The following DCC variants were observed in gnomAD, a reference collection of about 807,000 sequenced individuals.
DCC encodes the protein DCC netrin 1 receptor.
In DCC, 58 loss-of-function variants were observed where a neutral mutation model predicts 172.5. That is an observed-to-expected ratio of 0.34 (90% CI 0.27 to 0.42). DCC has a LOEUF of 0.42. DCC is among the 10% of genes least tolerant of loss of function. DCC has a pLI of 1.00. For synonymous variants in DCC, 709 were observed against 644.5 expected, an observed-to-expected ratio of 1.10 and a Z score of -1.52; for missense variants, 1,740 against 1,791.0, an observed-to-expected ratio of 0.97 and a Z score of 0.51.
chr18:52,647,326 G>A (rs2035038515), intron 1 of DCC, among the ~76,000 whole-genome samples: 1 of 152,114 alleles, frequency 6.6e-6, no homozygotes, highest in African/African-American at 2.4e-5. Context: ...CTGTGTATTG[G>A]GTTTTCCTTC....
At chr18:52,813,369 T>G (rs1235879981) in intron 2 of DCC, among the ~76,000 whole-genome samples, 1 of 152,026 alleles carries the variant, frequency 6.6e-6, no homozygotes, top group African/African-American at 2.4e-5. Context: ...AAGATGGTAG[T>G]TTTTAGGGAG....
At chr18:53,232,181 G>A (rs2056131975) in intron 12 of DCC, among the ~76,000 whole-genome samples, 1 of 151,980 alleles carries the variant, frequency 6.6e-6, no homozygotes, top group Admixed American at 6.6e-5. Context: ...TCTGTCAAGG[G>A]CCCCCCTCCC....
chr18:53,247,189 A>G (rs1005791478), intron 12 of DCC, among the ~76,000 whole-genome samples: 2 of 152,022 alleles, frequency 1.3e-5, no homozygotes, highest in Non-Finnish European at 2.9e-5. Flanking sequence ...GTCATATGTT[A>G]TTTTTAAGAA....
intron 22 of DCC, among the ~76,000 whole-genome samples, chr18:53,448,056 T>G (rs1229564377): frequency 7.0e-6 from 1 of 142,488 alleles, no homozygotes; most frequent in Non-Finnish European, 1.5e-5. Context: ...AGTTTTTTTT[T>G]TTTTTTTTTT....
At chr18:52,525,004 T>C (rs1145265) in intron 1 of DCC, among the ~76,000 whole-genome samples, 36,483 of 152,110 alleles carry the variant, frequency 0.24, 4,505 homozygotes, top group African/African-American at 0.29. Context: ...TTCTCTGAGA[T>C]TTTGCTTCTT....
rs139049733 is a variant in DCC at position 52,864,835 on chromosome 18, T to C, written c.413-41209T>C. Among the ~76,000 whole-genome samples the C allele has an allele frequency of 2.4e-3, 362 of 152,158 alleles. 2 individuals carry two copies. The highest frequency in any genetic ancestry group is 0.011 in the Admixed American group (168 of 15,256). ...GAATGATGGTTTCCAGCTTCATCCA[T>C]GTCCCTGCAAAGGATATGAACTCAT... is the stretch of plus-strand genomic sequence containing the variant. On this transcript the variant is annotated intron_variant, in intron 2 of 28. Coordinates refer to ENST00000442544, the MANE Select transcript of DCC (RefSeq NM_005215.4).
chr18:52,473,279 G>A (rs377103312), intron 1 of DCC, among the ~76,000 whole-genome samples: 1 of 152,112 alleles, frequency 6.6e-6, no homozygotes, highest in East Asian at 1.9e-4. Context: ...AGGAAAAGCA[G>A]GACAAAGTGG....
intron 1 of DCC, among the ~76,000 whole-genome samples, chr18:52,661,134 G>T (rs991547751): frequency 2.0e-5 from 3 of 152,180 alleles, no homozygotes; most frequent in Non-Finnish European, 2.9e-5. Flanking sequence ...TAATACCCTG[G>T]TGGGGAACAA....
chr18:52,969,017 C>CA lies in DCC; in HGVS notation c.985+43656dup, dbSNP rs200165168. ...AAGTTGCATTAAAAAACAACAACAA[C>CA]AAAAAAAAACGGTTCTCCTGGTCTC... On this transcript the variant is annotated intron_variant, in intron 5 of 28. Transcript: ENST00000442544. Among the ~76,000 whole-genome samples, 225 of 150,424 alleles carry CA rather than the reference C, an allele frequency of 1.5e-3. 1 individual carries two copies. Among genetic ancestry groups the CA allele is most frequent in the East Asian group, 4.7e-3 (24 of 5,100 alleles).
rs9960953 is a variant in DCC at position 52,599,398 on chromosome 18, C to T, written c.92-152656C>T. 1.0e-2 allele frequency among the ~76,000 whole-genome samples: 1,518 copies of T among 152,118 alleles called. 22 individuals carry two copies. The highest frequency in any genetic ancestry group is 0.034 in the African/African-American group (1,391 of 41,484). On this transcript the variant is annotated intron_variant, in intron 1 of 28. Coordinates refer to ENST00000442544, the MANE Select transcript of DCC (RefSeq NM_005215.4). ...TAACTATTCAACTCTGCCACTGTGG[C>T]GTGAAAGCAGTCATAGACAATACAA... is the stretch of plus-strand genomic sequence containing the variant.
At chr18:52,742,496 C>T (rs973943224) in intron 1 of DCC, among the ~76,000 whole-genome samples, 1 of 152,054 alleles carries the variant, frequency 6.6e-6, no homozygotes, top group Middle Eastern at 3.2e-3. Flanking sequence ...TTGAATAATG[C>T]CTGATGCAGT....
In DCC at chr18:52,464,089, T is replaced by C. The variant is rs1988711002; in HGVS notation, c.91+123211T>C. 2.0e-5 allele frequency among the ~76,000 whole-genome samples: 3 copies of C among 152,218 alleles called. No homozygotes were observed. The South Asian group carries it at 6.2e-4, about 32-fold the overall frequency. On this transcript the variant is annotated intron_variant, in intron 1 of 28. Coordinates refer to ENST00000442544, the MANE Select transcript of DCC (RefSeq NM_005215.4). ...TTTTATGTATATGTGTTTGGTTTGC[T>C]TCACCATACTATATTATCAGTCTAT...
At chr18:52,476,307 C>A (rs1989092190) in intron 1 of DCC, among the ~76,000 whole-genome samples, 1 of 152,160 alleles carries the variant, frequency 6.6e-6, no homozygotes, top group Non-Finnish European at 1.5e-5. Context: ...AATCACCTGG[C>A]TGTCGGCATA....
intron 1 of DCC, among the ~76,000 whole-genome samples, chr18:52,544,638 A>G (rs1280803268): frequency 6.6e-6 from 1 of 152,188 alleles, no homozygotes; most frequent in Non-Finnish European, 1.5e-5. Flanking sequence ...GCTTTAGAAC[A>G]GTGAGCAGAA....
intron 9 of DCC, among the ~76,000 whole-genome samples, chr18:53,203,872 A>C (rs75270593): frequency 6.6e-6 from 1 of 152,180 alleles, no homozygotes; most frequent in Non-Finnish European, 1.5e-5. Flanking sequence ...TGGCCATTGC[A>C]TTTACCATTT....
At chr18:52,536,948 G>A (rs528808817) in intron 1 of DCC, among the ~76,000 whole-genome samples, 4 of 152,104 alleles carry the variant, frequency 2.6e-5, no homozygotes, top group East Asian at 1.9e-4. Flanking sequence ...CTTCATGGAA[G>A]GTTTAGACTC....
intron 1 of DCC, among the ~76,000 whole-genome samples, chr18:52,634,276 C>T (rs562205497): frequency 9.2e-5 from 14 of 152,144 alleles, no homozygotes; most frequent in Non-Finnish European, 1.8e-4. Flanking sequence ...CTACTGTTTG[C>T]CAAACATTAT....
At chr18:53,446,325 C>T (rs951258497) in intron 22 of DCC, among the ~76,000 whole-genome samples, 8 of 152,026 alleles carry the variant, frequency 5.3e-5, no homozygotes, top group Non-Finnish European at 8.8e-5. Context: ...ATCATAATGT[C>T]TAACGAGTGC....
intron 2 of DCC, among the ~76,000 whole-genome samples, chr18:52,801,329 A>C (rs1190034491): frequency 6.6e-6 from 1 of 152,224 alleles, no homozygotes; most frequent in Non-Finnish European, 1.5e-5. Flanking sequence ...TACAACAGTA[A>C]CAACAGCTCA....
Sources: allele counts gnomAD v4.1 joint callset (sites outside exome capture counted in the v4.1 genomes callset), GRCh38; gene constraint gnomAD v4.1.1; transcripts MANE v1.5; gene names NCBI Gene and HGNC (gene_info 2026-07-23, HGNC 2026-07-21).